The following GINS1 variants were observed in gnomAD, a reference collection of about 807,000 sequenced individuals.
GINS1 encodes DNA replication complex GINS protein PSF1.
Under a neutral mutation model 34.9 loss-of-function variants are expected in GINS1, and 26 were observed. The observed-to-expected ratio is 0.74, with a 90% CI of 0.55 to 1.03. GINS1 has a LOEUF of 1.03. Among genes scored for constraint, GINS1 ranks in the 50% least tolerant of loss-of-function variants. GINS1 has a pLI of 0.00. For synonymous variants in GINS1, 97 were observed against 84.4 expected (o/e 1.15, Z -0.82); for missense variants, 235 against 237.9 (o/e 0.99, Z 0.08).
chr20:25,425,891 G>C (rs947725614), intron 5 of GINS1, among the ~76,000 whole-genome samples: 1 of 151,972 alleles, frequency 6.6e-6, no homozygotes, highest in East Asian at 1.9e-4. Flanking sequence ...CATTTAAGTG[G>C]TATTAAATAT....
intron 5 of GINS1, among the ~76,000 whole-genome samples, chr20:25,429,033 G>C (rs1041813834): frequency 1.5e-5 from 2 of 133,404 alleles, no homozygotes; most frequent in African/African-American, 5.7e-5. Flanking sequence ...CTGTCGCCCA[G>C]GCTGGAGTAC....
intron 6 of GINS1, among the ~76,000 whole-genome samples, chr20:25,445,010 A>C (rs1008724384): frequency 6.6e-6 from 1 of 152,164 alleles, no homozygotes. Flanking sequence ...TGATAATCCA[A>C]ATCGCACCTA....
chr20:25,436,299 T>C (rs1277608049), intron 5 of GINS1, among the ~76,000 whole-genome samples: 6 of 152,210 alleles, frequency 3.9e-5, no homozygotes, highest in Non-Finnish European at 7.3e-5. Flanking sequence ...AGTTTGATTA[T>C]AATGTGTCTC....
chr20:25,445,987 C>G lies in GINS1; in HGVS notation c.587C>G (p.Ser196Ter). The part of the protein sequence containing the change: ...IRQGVLEHIL[S>*] The stretch of plus-strand genomic sequence containing the variant: ...CAAGGAGTCCTGGAGCACATCCTGT[C>G]ATGACCATGCGCCGAGGCACTTCCA... Residue 196 changes from serine (S) to a stop codon, truncating the protein, a stop_gained, in exon 7 of 7, where the codon TCA becomes TGA. Coordinates refer to ENST00000262460, the MANE Select transcript of GINS1 (RefSeq NM_021067.5). LOFTEE classifies it high-confidence loss of function. 1 of 1,602,498 alleles carries G rather than the reference C, an allele frequency of 6.2e-7. No homozygotes were observed. The highest frequency in any genetic ancestry group is 8.5e-7 in the Non-Finnish European group (1 of 1,169,918).
chr20:25,428,848 A>C (rs2090408820), intron 5 of GINS1, among the ~76,000 whole-genome samples: 1 of 152,130 alleles, frequency 6.6e-6, no homozygotes, highest in Non-Finnish European at 1.5e-5. Context: ...CTGTCGTAAA[A>C]AAAGTTTTTT....
At chr20:25,422,561 A>T (rs145933123) in intron 4 of GINS1, among the ~76,000 whole-genome samples, 2 of 152,274 alleles carry the variant, frequency 1.3e-5, no homozygotes, top group Admixed American at 6.5e-5. Flanking sequence ...ACTGCACTCC[A>T]GCCTGGGTGA....
At chr20:25,432,484 T>TAAA (rs1400906586) in intron 5 of GINS1, among the ~76,000 whole-genome samples, 1 of 151,936 alleles carries the variant, frequency 6.6e-6, no homozygotes, top group Non-Finnish European at 1.5e-5. Context: ...CTTCTTTTTT[T>TAAA]TAGACAGAGT....
intron 1 of GINS1, among the ~76,000 whole-genome samples, 175 bp downstream of exon 1, chr20:25,408,070 C>T (rs1401030126): frequency 6.6e-6 from 1 of 152,266 alleles, no homozygotes; most frequent in East Asian, 1.9e-4. Context: ...GCTTACGCTA[C>T]CCAGCGATTT....
At chr20:25,417,324 CCT>C (rs1304386321) in intron 3 of GINS1, 122 bp downstream of exon 3, 13 of 623,160 alleles carry the variant, frequency 2.1e-5, no homozygotes, top group Non-Finnish European at 2.8e-6. Context: ...CTAAATTTTT[CCT>C]CTGTGTTTTC....
chr20:25,407,957 G>A (rs371038392), intron 1 of GINS1, 62 bp downstream of exon 1: 16 of 1,255,514 alleles, frequency 1.3e-5, no homozygotes, highest in Non-Finnish European at 1.9e-5. Context: ...CTGGGGCGGG[G>A]CGGCTCCCCG....
At chr20:25,442,190 G>C (rs558339862) in intron 6 of GINS1, among the ~76,000 whole-genome samples, 3 of 152,254 alleles carry the variant, frequency 2.0e-5, no homozygotes, top group Admixed American at 1.3e-4. Context: ...CAAGCAAATA[G>C]TGATACAGAT....
At chr20:25,415,804 G>T (rs1185932185) in intron 2 of GINS1, among the ~76,000 whole-genome samples, 1 of 152,080 alleles carries the variant, frequency 6.6e-6, no homozygotes, top group Non-Finnish European at 1.5e-5. Flanking sequence ...TCAGAAGAGT[G>T]CAAGGAGAAA....
chr20:25,447,120 A>G lies in GINS1; in HGVS notation c.*1129A>G, dbSNP rs2090516843. 1 of 151,994 alleles carries G rather than the reference A, an allele frequency of 6.6e-6. No homozygotes were observed. The highest frequency in any genetic ancestry group is 2.4e-5 in the African/African-American group (1 of 41,362). 9.4% of individuals were successfully genotyped at this position (151,994 alleles called of 1,614,324 possible). ...AGTGGCGTGATCTTGGCTCACTGCAATCTCTATCCCCTGGGTTCAAGTGAT... is the reference window on the plus strand; with the variant it reads ...AGTGGCGTGATCTTGGCTCACTGCAGTCTCTATCCCCTGGGTTCAAGTGAT... On this transcript the variant is annotated 3_prime_UTR_variant, in exon 7 of 7. Coordinates refer to ENST00000262460, the MANE Select transcript of GINS1 (RefSeq NM_021067.5).
intron 5 of GINS1, among the ~76,000 whole-genome samples, chr20:25,440,495 C>T (rs2090476121): frequency 6.6e-6 from 1 of 151,958 alleles, no homozygotes; most frequent in South Asian, 2.1e-4. Flanking sequence ...TTTGAGATTT[C>T]CCAAAATAAA....
intron 4 of GINS1, among the ~76,000 whole-genome samples, chr20:25,424,450 T>A (rs2482913): frequency 0.62 from 93,967 of 152,148 alleles, 30,606 homozygotes; most frequent in African/African-American, 0.79. Flanking sequence ...ACTTTTTTTT[T>A]AAAATAGCAG....
At chr20:25,408,543 C>T (rs572628799) in intron 1 of GINS1, among the ~76,000 whole-genome samples, 2 of 152,198 alleles carry the variant, frequency 1.3e-5, no homozygotes, top group East Asian at 3.9e-4. Flanking sequence ...ACTTCATGTA[C>T]ATTATCTTTT....
intron 4 of GINS1, among the ~76,000 whole-genome samples, chr20:25,421,946 A>C (rs191677994): frequency 6.6e-6 from 1 of 151,788 alleles, no homozygotes; most frequent in Non-Finnish European, 1.5e-5. Context: ...ACTTTTCTTC[A>C]TACTTATCAA....
intron 1 of GINS1, among the ~76,000 whole-genome samples, chr20:25,411,471 T>A (rs1394841717): frequency 6.6e-6 from 1 of 152,198 alleles, no homozygotes; most frequent in Non-Finnish European, 1.5e-5. Flanking sequence ...GGATTGCTTC[T>A]CTTTCGATTG....
At chr20:25,428,965 C>T (rs920471199) in intron 5 of GINS1, among the ~76,000 whole-genome samples, 1 of 126,338 alleles carries the variant, frequency 7.9e-6, no homozygotes, top group Non-Finnish European at 1.6e-5. Flanking sequence ...CTTCATTCCT[C>T]TCTCTTTTTT....
Sources: allele counts gnomAD v4.1 joint callset (sites outside exome capture counted in the v4.1 genomes callset), GRCh38; gene constraint gnomAD v4.1.1; transcripts MANE v1.5; gene names NCBI Gene and HGNC (gene_info 2026-07-23, HGNC 2026-07-21).